Variants in TP53AIP1 observed in about 807,000 individuals in gnomAD.
TP53AIP1 encodes p53-regulated apoptosis-inducing protein 1.
A neutral mutation model predicts 9.5 loss-of-function variants in TP53AIP1; 14 were observed. The ratio of observed to expected loss-of-function variants is 1.47; its 90% CI spans 0.97 to 2.30. The LOEUF (loss-of-function observed/expected upper bound fraction) is 2.30. Among genes scored for constraint, TP53AIP1 ranks in the 30% most tolerant of loss-of-function variants. TP53AIP1 has a pLI of 0.00. For missense variants in TP53AIP1, 153 were observed against 146.7 expected (o/e 1.04, Z -0.22); for synonymous variants, 73 against 61.2 (o/e 1.19, Z -0.90).
rs986566241 is a variant in TP53AIP1, at chr11:128,937,202, C to T, written c.141+476G>A. 3 of 1,187,824 alleles carry T rather than the reference C, an allele frequency of 2.5e-6. No homozygotes were observed. The African/African-American group carries it at 4.7e-5, about 19-fold the overall frequency. 73.6% of individuals were successfully genotyped at this position (1,187,824 alleles called of 1,614,324 possible). ...CTTCATTATTGGCCACAGGAAACGA[C>T]TTCTTGGAGTAAGTGACTGGTGCTC... On this transcript the variant is annotated intron_variant, in intron 2 of 3. Coordinates refer to ENST00000531399, the MANE Select transcript of TP53AIP1 (RefSeq NM_022112.3). The surrounding 1 kb of genome is among the most constrained non-coding windows in gnomAD (Gnocchi z 4.8).
In TP53AIP1 at chr11:128,936,407, G is replaced by C. The variant is rs1944824414; in HGVS notation, c.253+131C>G. 8 of 1,417,172 alleles carry C rather than the reference G, an allele frequency of 5.6e-6. 1 individual carries two copies. In the South Asian group the frequency reaches 1.1e-4, roughly 20 times the overall value. The allele number at this position is 1,417,172 out of a possible 1,614,324, so 87.8% of individuals were successfully genotyped here. A position where few individuals can be genotyped will look rare whatever the true frequency, so the allele number is the denominator to read the frequency against. On this transcript the variant is annotated intron_variant, in intron 3 of 3. Coordinates refer to ENST00000531399, the MANE Select transcript of TP53AIP1 (RefSeq NM_022112.3). ...ACTCTGCCATGATGTCATTTTGTCA[G>C]ATGGCAAATTTCAGGAGAGGGTCAA...
intron 3 of TP53AIP1, 24 bp downstream of exon 3, chr11:128,936,514 A>G: frequency 6.5e-7 from 1 of 1,541,590 alleles, no homozygotes; most frequent in Non-Finnish European, 8.7e-7. Context: ...ACACCCATGA[A>G]TTCACTAAGT....
chr11:128,941,192 C>T (rs1030160407), intron 1 of TP53AIP1, among the ~76,000 whole-genome samples: 2 of 152,206 alleles, frequency 1.3e-5, no homozygotes, highest in Non-Finnish European at 2.9e-5. Flanking sequence ...CACTTTCCCT[C>T]TGCCGAACAG....
chr11:128,935,787 A>G, intron 3 of TP53AIP1, 75 bp from the exon 4 acceptor site: 1 of 1,421,630 alleles, frequency 7.0e-7, no homozygotes, highest in African/African-American at 1.4e-5. Flanking sequence ...ATCATGTTAC[A>G]GACCAGGGAT....
At chr11:128,936,899 A>G in intron 2 of TP53AIP1, 1 of 1,289,994 alleles carries the variant, frequency 7.8e-7, no homozygotes, top group East Asian at 3.4e-5. Flanking sequence ...CCCAAAGAAC[A>G]GACATAAACC....
At chr11:128,938,015 C>A in intron 1 of TP53AIP1, 121 bp from the exon 2 acceptor site, 2 of 636,038 alleles carry the variant, frequency 3.1e-6, no homozygotes, top group East Asian at 5.6e-5. Flanking sequence ...AGCCGATGCA[C>A]CCAGAGACCC....
At chr11:128,936,881 C>G (rs1048458026) in intron 2 of TP53AIP1, 52 of 1,332,688 alleles carry the variant, frequency 3.9e-5, no homozygotes, top group Non-Finnish European at 4.7e-5. Context: ...ACAGAGACAG[C>G]AAATCAGCCC....
Position 128,940,771 on chromosome 11 carries a change from C to T in TP53AIP1, c.-77+2023G>A, listed in dbSNP as rs138817518. On this transcript the variant is annotated intron_variant, in intron 1 of 3. Transcript: ENST00000531399. ...CCACCCACACACTCAAGGCATGCCA[C>T]GGCGGCCACGCTGGGTGCCTTTCCG... Among the ~76,000 whole-genome samples the T allele has an allele frequency of 2.3e-4, 35 of 152,352 alleles. No homozygotes were observed. The East Asian group carries it at 3.5e-3, about 15-fold the overall frequency.
At chr11:128,935,156 C>T (rs1236810884), downstream of TP53AIP1, 4 of 865,006 alleles carry the variant, frequency 4.6e-6, no homozygotes, top group East Asian at 5.3e-5. Context: ...GGGCCCGGGG[C>T]TTGCTGGTTG....
At chr11:128,936,163 C>T (rs1452343292) in intron 3 of TP53AIP1, 10 of 1,042,132 alleles carry the variant, frequency 9.6e-6, no homozygotes, top group Middle Eastern at 4.6e-4. Flanking sequence ...AACCCAGACC[C>T]CGCAGCCTGG....
Position 128,936,601 on chromosome 11 carries a change from C to T in TP53AIP1, c.190G>A (p.Gly64Arg). ...GACGAGACTGACAGAGCTTCTATTCCCCGGCACCCTCCGTGAACTTGGGCA... is the reference window on the plus strand; with the variant it reads ...GACGAGACTGACAGAGCTTCTATTCTCCGGCACCCTCCGTGAACTTGGGCA... ...LGAQVHGGCRGIEALSVSSGS... is the reference protein window; with the variant it reads ...LGAQVHGGCRRIEALSVSSGS... The change falls in exon 3 of 4, where the codon GGA becomes AGA. Residue 64 changes from glycine (G) to arginine (R), a missense_variant. Physicochemically the swap from Gly to Arg is moderately radical, Grantham distance 125. Coordinates refer to ENST00000531399, the MANE Select transcript of TP53AIP1 (RefSeq NM_022112.3). 1 of 1,589,032 alleles carries T rather than the reference C, an allele frequency of 6.3e-7. No homozygotes were observed. Among genetic ancestry groups the T allele is most frequent in the Admixed American group, 1.7e-5 (1 of 58,970 alleles).
chr11:128,937,106 T>C lies in TP53AIP1; in HGVS notation c.142-457A>G, dbSNP rs1737570060. On this transcript the variant is annotated intron_variant, in intron 2 of 3. Coordinates refer to ENST00000531399, the MANE Select transcript of TP53AIP1 (RefSeq NM_022112.3). The surrounding 1 kb of genome is among the most constrained non-coding windows in gnomAD (Gnocchi z 4.8). ...TGCTTCCGGAGCCATGCGCTGCCTG[T>C]GCTGGGATGAATGCATGGCCCCTGC... 17 of 1,056,458 alleles carry C rather than the reference T, an allele frequency of 1.6e-5. No individual in the cohort carries two copies. Among genetic ancestry groups the C allele is most frequent in the Non-Finnish European group, 1.9e-5 (17 of 875,060 alleles). 65.4% of individuals were successfully genotyped at this position (1,056,458 alleles called of 1,614,324 possible). A position where few individuals can be genotyped will look rare whatever the true frequency, so the allele number is the denominator to read the frequency against.
intron 2 of TP53AIP1, chr11:128,936,909 C>G: frequency 8.0e-7 from 1 of 1,244,640 alleles, no homozygotes; most frequent in Non-Finnish European, 1.0e-6. Context: ...AGACATAAAC[C>G]GGCGCTTCCT....
intron 2 of TP53AIP1, 64 bp from the exon 3 acceptor site, chr11:128,936,713 C>T: frequency 6.6e-7 from 1 of 1,507,390 alleles, no homozygotes; most frequent in Non-Finnish European, 8.8e-7. Context: ...GTTTATTCTT[C>T]TCTGGCAGGT....
chr11:128,936,996 T>C, intron 2 of TP53AIP1: 2 of 1,079,184 alleles, frequency 1.9e-6, no homozygotes, highest in Non-Finnish European at 2.2e-6. Context: ...GCGTGTGAGC[T>C]TCTGGGGAGA....
In TP53AIP1 at chr11:128,935,514, G is replaced by C. The variant is rs1944798006; in HGVS notation, c.*77C>G. On this transcript the variant is annotated 3_prime_UTR_variant, in exon 4 of 4. Transcript: ENST00000531399. ...GAGCCATTTCTCGACGGTGCTTTCT[G>C]TTTGTTTGTTTGTTTTTGTTTTGAG... 11 of 1,491,174 alleles carry C rather than the reference G, an allele frequency of 7.4e-6. No individual in the cohort carries two copies. Among genetic ancestry groups the C allele is most frequent in the Non-Finnish European group, 9.8e-6 (11 of 1,122,998 alleles). The allele number at this position is 1,491,174 out of a possible 1,614,324, so 92.4% of individuals were successfully genotyped here.
Position 128,935,456 on chromosome 11 carries a change from G to C in TP53AIP1, c.*135C>G. On this transcript the variant is annotated 3_prime_UTR_variant, in exon 4 of 4. Coordinates refer to ENST00000531399, the MANE Select transcript of TP53AIP1 (RefSeq NM_022112.3). Reference sequence around the variant, plus strand: ...GCCACCCAACTGGCCCAGTGGTCAAGGGGGGAAATGAGGTGGCCGCTAGTC... The same window carrying C: ...GCCACCCAACTGGCCCAGTGGTCAACGGGGGAAATGAGGTGGCCGCTAGTC... The C allele has an allele frequency of 7.0e-7, 1 of 1,430,036 alleles. No homozygotes were observed. Among genetic ancestry groups the C allele is most frequent in the Non-Finnish European group, 9.1e-7 (1 of 1,097,194 alleles). The allele number at this position is 1,430,036 out of a possible 1,614,324, so 88.6% of individuals were successfully genotyped here.
chr11:128,941,222 A>G (rs1003584727), intron 1 of TP53AIP1, among the ~76,000 whole-genome samples: 1 of 152,030 alleles, frequency 6.6e-6, no homozygotes, highest in Non-Finnish European at 1.5e-5. Flanking sequence ...AAAGCCCACC[A>G]CTGTCTTCTT....
chr11:128,935,331 A>C (rs1244545323), downstream of TP53AIP1: 1 of 1,418,456 alleles, frequency 7.0e-7, no homozygotes, highest in Non-Finnish European at 9.2e-7. Flanking sequence ...AGTTTTTAGC[A>C]AGTGGATATT....
Sources: gnomAD v4.1 joint callset for allele counts (sites outside exome capture counted in the v4.1 genomes callset) on GRCh38, gnomAD v4.1.1 for gene constraint, Gnocchi (gnomAD v3.1) non-coding constraint, MANE v1.5 for transcripts, NCBI Gene and HGNC (gene_info 2026-07-23, HGNC 2026-07-21) for gene names.